The following GPC5 variants were observed in gnomAD, a reference collection of about 807,000 sequenced individuals.
The protein encoded by GPC5 is glypican-5.
A neutral mutation model predicts 53.9 loss-of-function variants in GPC5; 47 were observed. The ratio of observed to expected loss-of-function variants is 0.87; its 90% CI spans 0.69 to 1.11. The LOEUF (loss-of-function observed/expected upper bound fraction) is 1.11. GPC5 is among the 50% of genes most tolerant of loss of function. The probability of loss-of-function intolerance (pLI) is 0.00; values close to 1 mark genes in which losing one functional copy is unlikely to be tolerated. For synonymous variants in GPC5, 286 were observed against 263.3 expected (o/e 1.09, Z -0.84); for missense variants, 748 against 713.1 (o/e 1.05, Z -0.56).
At chr13:92,057,610 A>G (rs968132412) in intron 6 of GPC5, among the ~76,000 whole-genome samples, 1 of 152,122 alleles carries the variant, frequency 6.6e-6, no homozygotes, top group African/African-American at 2.4e-5. Flanking sequence ...AAATGTCAAT[A>G]TGATACAGCA....
At chr13:92,220,217 T>G (rs2042438828) in intron 7 of GPC5, among the ~76,000 whole-genome samples, 1 of 152,152 alleles carries the variant, frequency 6.6e-6, no homozygotes, top group African/African-American at 2.4e-5. Flanking sequence ...CACCAGCCTC[T>G]AGTGTAGCCA....
intron 6 of GPC5, among the ~76,000 whole-genome samples, chr13:91,978,387 T>C (rs552324156): frequency 3.9e-5 from 6 of 152,354 alleles, no homozygotes; most frequent in African/African-American, 1.4e-4. Flanking sequence ...CCACTTTCAT[T>C]GCACAGTATT....
At chr13:92,633,481 G>T (rs1157571277) in intron 7 of GPC5, among the ~76,000 whole-genome samples, 2 of 152,022 alleles carry the variant, frequency 1.3e-5, no homozygotes, top group African/African-American at 2.4e-5. Flanking sequence ...CAGAAAAAAG[G>T]TATATAAAAA....
intron 7 of GPC5, among the ~76,000 whole-genome samples, chr13:92,303,656 C>T (rs780541419): frequency 3.3e-5 from 5 of 151,934 alleles, no homozygotes; most frequent in Non-Finnish European, 5.9e-5. Context: ...CAGCATTGCC[C>T]AACACAAACC....
At chr13:91,568,014 A>G (rs2031613636) in intron 2 of GPC5, among the ~76,000 whole-genome samples, 1 of 152,154 alleles carries the variant, frequency 6.6e-6, no homozygotes. Context: ...AGTGTTTGAC[A>G]GCTTTTCCTT....
chr13:92,577,406 G>T (rs542799015), intron 7 of GPC5, among the ~76,000 whole-genome samples: 24 of 135,474 alleles, frequency 1.8e-4, no homozygotes, highest in Non-Finnish European at 3.7e-4. Context: ...ATGAATGTAA[G>T]TATGTATGTA....
chr13:91,790,443 C>A (rs1594566625), intron 5 of GPC5, among the ~76,000 whole-genome samples: 1 of 152,302 alleles, frequency 6.6e-6, no homozygotes, highest in East Asian at 1.9e-4. Flanking sequence ...TTTATTCATG[C>A]AGCCATGTTT....
chr13:92,030,791 T>G (rs1229515763), intron 6 of GPC5, among the ~76,000 whole-genome samples: 3 of 152,210 alleles, frequency 2.0e-5, no homozygotes, highest in African/African-American at 7.2e-5. Context: ...GGGAAGAGCC[T>G]GGCGTCTCCT....
At chr13:91,441,098 C>T (rs1239706475) in intron 1 of GPC5, among the ~76,000 whole-genome samples, 1 of 152,204 alleles carries the variant, frequency 6.6e-6, no homozygotes, top group Non-Finnish European at 1.5e-5. Context: ...AACTAATCCC[C>T]TGCTTTTTTT....
intron 7 of GPC5, among the ~76,000 whole-genome samples, chr13:92,636,818 A>T (rs111461024): frequency 2.0e-5 from 3 of 152,270 alleles, no homozygotes; most frequent in African/African-American, 4.8e-5. Flanking sequence ...TCTCCCTTGG[A>T]TATCTCACGT....
intron 6 of GPC5, among the ~76,000 whole-genome samples, chr13:91,977,609 C>T (rs1228423311): frequency 1.3e-5 from 2 of 151,902 alleles, no homozygotes; most frequent in Admixed American, 6.5e-5. Context: ...ATAGACAATG[C>T]AAAAAAGGGC....
Position 92,517,064 on chromosome 13 carries a change from C to T in GPC5, c.1562-349218C>T, listed in dbSNP as rs576188617. ...CCTGTCTCGGAGGGTCCCACACCCA[C>T]GGAGCCTCAATCATTGCTAGCACAT... On this transcript the variant is annotated intron_variant, in intron 7 of 7. Coordinates refer to ENST00000377067, the MANE Select transcript of GPC5 (RefSeq NM_004466.6). Among the ~76,000 whole-genome samples, 8 of 152,246 alleles carry T rather than the reference C, an allele frequency of 5.3e-5. No individual in the cohort carries two copies. In the South Asian group the frequency reaches 6.2e-4, roughly 12 times the overall value.
At chr13:92,476,958 T>G (rs1267001530) in intron 7 of GPC5, among the ~76,000 whole-genome samples, 2 of 148,476 alleles carry the variant, frequency 1.3e-5, no homozygotes, top group African/African-American at 5.0e-5. Context: ...GACGAGATAG[T>G]GGGTGCAGCG....
At chr13:92,341,301 C>T (rs954983597) in intron 7 of GPC5, among the ~76,000 whole-genome samples, 5 of 152,048 alleles carry the variant, frequency 3.3e-5, no homozygotes, top group Admixed American at 3.3e-4. Flanking sequence ...TAAATTTAGT[C>T]ACTAGTTCCA....
chr13:92,098,160 A>G (rs9560920), intron 6 of GPC5, among the ~76,000 whole-genome samples: 56,268 of 151,850 alleles, frequency 0.37, 11,339 homozygotes, highest in Admixed American at 0.47. Flanking sequence ...TCTCCCTCAC[A>G]CACTCCACCC....
chr13:92,563,131 A>C (rs947117495), intron 7 of GPC5, among the ~76,000 whole-genome samples: 1 of 152,010 alleles, frequency 6.6e-6, no homozygotes, highest in African/African-American at 2.4e-5. Flanking sequence ...ATAGCCAGTA[A>C]TAGTAGTGCA....
chr13:91,729,521 T>A (rs144859683), intron 4 of GPC5, among the ~76,000 whole-genome samples: 58 of 152,306 alleles, frequency 3.8e-4, no homozygotes, highest in African/African-American at 1.4e-3. Flanking sequence ...GTATTTCACA[T>A]AAGCTTTCTA....
At chr13:91,456,501 C>A (rs929926479) in intron 2 of GPC5, among the ~76,000 whole-genome samples, 2 of 151,390 alleles carry the variant, frequency 1.3e-5, no homozygotes, top group African/African-American at 4.9e-5. Flanking sequence ...TTTTAAGATC[C>A]AAAATATATT....
chr13:92,017,761 AACAC>A (rs1029251993), intron 6 of GPC5, among the ~76,000 whole-genome samples: 2 of 151,872 alleles, frequency 1.3e-5, no homozygotes, highest in East Asian at 3.9e-4. Context: ...CCACAAAATA[AACAC>A]ACACGTGCAT....
Sources: gnomAD v4.1 joint callset for allele counts (sites outside exome capture counted in the v4.1 genomes callset) on GRCh38, gnomAD v4.1.1 for gene constraint, MANE v1.5 for transcripts, NCBI Gene and HGNC (gene_info 2026-07-23, HGNC 2026-07-21) for gene names.